Variants in RGPD3 observed in about 807,000 individuals in gnomAD.
RGPD3 encodes ranBP2-like and GRIP domain-containing protein 3.
RGPD3 carries 62 observed loss-of-function variants against 154.5 expected under a neutral mutation model. That is an observed-to-expected ratio of 0.40 (90% confidence interval 0.33 to 0.50). The LOEUF (loss-of-function observed/expected upper bound fraction) is 0.50, where lower values mean the gene tolerates loss of function less well. RGPD3 is among the 20% of genes least tolerant of loss of function. The pLI is 0.59. For missense variants in RGPD3, 919 were observed against 1,716.8 expected (o/e 0.54, Z 8.21); for synonymous variants, 308 against 607.0 (o/e 0.51, Z 7.24).
At chr2:106,437,862 A>G (rs1428063504) in intron 9 of RGPD3, among the ~76,000 whole-genome samples, 2 of 152,292 alleles carry the variant, frequency 1.3e-5, no homozygotes, top group East Asian at 3.9e-4. Flanking sequence ...TCATGAAGGA[A>G]GCAAGATAAA....
chr2:106,466,894 C>T (rs1206235845), intron 1 of RGPD3, among the ~76,000 whole-genome samples: 1 of 103,666 alleles, frequency 9.6e-6, no homozygotes, highest in African/African-American at 3.3e-5. Context: ...CGGGCCGGGT[C>T]GAGGCCGCCG....
chr2:106,470,872 G>A (rs1158020938), upstream of RGPD3: 22 of 1,599,168 alleles, frequency 1.4e-5, 1 homozygote, highest in African/African-American at 2.7e-5. Context: ...GTACTGGGCC[G>A]AGGCATTGTG....
intron 22 of RGPD3, 71 bp from the exon 23 acceptor site, chr2:106,405,300 A>G: frequency 7.2e-7 from 1 of 1,390,908 alleles, no homozygotes; most frequent in Non-Finnish European, 1.0e-6. Context: ...TCTATATTTT[A>G]GAACCACTCT....
intron 21 of RGPD3, among the ~76,000 whole-genome samples, chr2:106,413,887 G>T (rs1362315435): frequency 6.6e-6 from 1 of 152,138 alleles, no homozygotes; most frequent in African/African-American, 2.4e-5. Flanking sequence ...GGAGCCATGG[G>T]TTGGTACCAA....
At chr2:106,410,976 A>G (rs1676652998) in intron 22 of RGPD3, among the ~76,000 whole-genome samples, 1 of 151,304 alleles carries the variant, frequency 6.6e-6, no homozygotes, top group Non-Finnish European at 1.5e-5. Flanking sequence ...AGATTCAAAG[A>G]AACTATCAAT....
Position 106,424,256 on chromosome 2 carries a change from T to A in RGPD3, c.3711A>T (p.Lys1237Asn), listed in dbSNP as rs751855732. The A allele has an allele frequency of 2.5e-6, 4 of 1,611,826 alleles. No homozygotes were observed. In the South Asian group the frequency reaches 4.4e-5, roughly 18 times the overall value. Residue 1237 changes from lysine to asparagine, a missense_variant, in exon 20 of 23, where the codon AAA becomes AAT. Lys to Asn is a moderately conservative substitution (Grantham distance 94). Transcript: ENST00000409886. ...GAAGASDTTI[K>N]PNAENTGPTL... is the part of the protein sequence containing the mutation. ...TGGGCCCAGTGTTTTCAGCATTGGG[T>A]TTTATTGTTGTGTCTGAGGCACCGG... is the stretch of plus-strand genomic sequence containing the variant.
At chr2:106,464,645 A>G (rs1678511804) in intron 1 of RGPD3, among the ~76,000 whole-genome samples, 1 of 151,958 alleles carries the variant, frequency 6.6e-6, no homozygotes, top group South Asian at 2.1e-4. Context: ...AGAATAAGAA[A>G]CCGACTTGAC....
rs1483285410 is a variant in RGPD3 at position 106,423,863 on chromosome 2, A to G, written c.4104T>C (p.Asp1368=). ...FSHRAEFYRY[D]KDVGQWKERG... ...TTTCTTTCCATTGACCAACATCTTTATCATATCTGTAGAATTCTGCCCTGT... is the reference window on the plus strand; with the variant it reads ...TTTCTTTCCATTGACCAACATCTTTGTCATATCTGTAGAATTCTGCCCTGT... Residue 1368 remains aspartate, a synonymous_variant, in exon 20 of 23, where the codon GAT becomes GAC. Coordinates refer to ENST00000409886, the MANE Select transcript of RGPD3 (RefSeq NM_001144013.2). 1 of 1,611,956 alleles carries G rather than the reference A, an allele frequency of 6.2e-7. No individual in the cohort carries two copies. The highest frequency in any genetic ancestry group is 2.2e-5 in the East Asian group (1 of 44,882).
rs899882343 is a variant in RGPD3, at chr2:106,462,592, A to T, written c.73-3260T>A. 2.9e-3 allele frequency among the ~76,000 whole-genome samples: 437 copies of T among 152,270 alleles called. 3 individuals carry two copies. Among genetic ancestry groups the T allele is most frequent in the African/African-American group, 0.01 (419 of 41,534 alleles). On this transcript the variant is annotated intron_variant, in intron 1 of 22. Coordinates refer to ENST00000409886, the MANE Select transcript of RGPD3 (RefSeq NM_001144013.2). ...GTAAGACCCTAAGAGATGCCACATC[A>T]TCGCTATCTTGCACAGTAAGATAGA...
intron 22 of RGPD3, among the ~76,000 whole-genome samples, chr2:106,410,569 G>C (rs1317713419): frequency 6.6e-6 from 1 of 152,144 alleles, no homozygotes; most frequent in African/African-American, 2.4e-5. Context: ...AGTATTTTGA[G>C]ATAATATCAT....
At chr2:106,438,665 C>A (rs1441317127) in intron 9 of RGPD3, among the ~76,000 whole-genome samples, 1 of 152,020 alleles carries the variant, frequency 6.6e-6, no homozygotes, top group Non-Finnish European at 1.5e-5. Context: ...CATTTGTAAT[C>A]CCGCTACTTG....
chr2:106,423,746 G>A lies in RGPD3; in HGVS notation c.4221C>T (p.Ala1407=). 6.2e-7 allele frequency: 1 copy of A among 1,611,650 alleles called. No individual in the cohort carries two copies. The highest frequency in any genetic ancestry group is 1.3e-5 in the African/African-American group (1 of 74,840). ...TCATGTCTGGAGTTATTCTGTGATT[G>A]GCACAAAGTTTTAATACTTGGTCCC... is the stretch of plus-strand genomic sequence containing the variant. The part of the protein sequence containing the change: ...MRRDQVLKLC[A]NHRITPDMSL... Residue 1407 remains alanine (A), a synonymous_variant, in exon 20 of 23, where the codon GCC becomes GCT. Transcript: ENST00000409886.
chr2:106,446,565 A>G (rs369424087), intron 7 of RGPD3, among the ~76,000 whole-genome samples: 41 of 50,634 alleles, frequency 8.1e-4, no homozygotes, highest in African/African-American at 1.7e-3. Flanking sequence ...GCGAGACTCC[A>G]TCTCAAAAAA....
chr2:106,464,727 T>G (rs1365511272), intron 1 of RGPD3, among the ~76,000 whole-genome samples: 7 of 152,034 alleles, frequency 4.6e-5, no homozygotes, highest in African/African-American at 1.2e-4. Context: ...TATTTTTTTC[T>G]TTTTTTCTTT....
At chr2:106,407,618 T>A (rs1156806267) in intron 22 of RGPD3, among the ~76,000 whole-genome samples, 5 of 152,234 alleles carry the variant, frequency 3.3e-5, no homozygotes, top group African/African-American at 1.2e-4. Flanking sequence ...AATATAAGAT[T>A]TTTGACAAAA....
At chr2:106,450,874 T>A (rs1573291384) in intron 6 of RGPD3, among the ~76,000 whole-genome samples, 1 of 32,650 alleles carries the variant, frequency 3.1e-5, no homozygotes, top group Non-Finnish European at 6.4e-5. Context: ...AGAGCAAGAC[T>A]CAGTCTCAAA....
chr2:106,466,052 C>G (rs990510471), intron 1 of RGPD3, among the ~76,000 whole-genome samples: 41 of 151,862 alleles, frequency 2.7e-4, no homozygotes, highest in Admixed American at 1.2e-3. Context: ...TGGGAAGAAA[C>G]CCGCCGATAC....
chr2:106,423,674 T>C lies in RGPD3; in HGVS notation c.4293A>G (p.Ala1431=). 2 of 1,609,184 alleles carry C rather than the reference T, an allele frequency of 1.2e-6. No homozygotes were observed. Among genetic ancestry groups the C allele is most frequent in the Middle Eastern group, 2.3e-4 (1 of 4,428 alleles). Residue 1431 remains alanine (A), a synonymous_variant, in exon 20 of 23, where the codon GCA becomes GCG. Coordinates refer to ENST00000409886, the MANE Select transcript of RGPD3 (RefSeq NM_001144013.2). The part of the protein sequence containing the change: ...KGTERVWVWT[A]CDFADGERKV... ...TTCTTTCTCCATCTGCAAAATCACA[T>C]GCAGTCCACACCCATACTCTTTCTG...
rs183864546 is a variant in RGPD3 at position 106,451,013 on chromosome 2, C to T, written c.782+1192G>A. Among the ~76,000 whole-genome samples, 43 of 148,674 alleles carry T rather than the reference C, an allele frequency of 2.9e-4. No individual in the cohort carries two copies. In the East Asian group the frequency reaches 8.2e-3, roughly 29 times the overall value. On this transcript the variant is annotated intron_variant, in intron 6 of 22. Coordinates refer to ENST00000409886, the MANE Select transcript of RGPD3 (RefSeq NM_001144013.2). Reference sequence around the variant, plus strand: ...CTGAGGCAGGAGAATCGCCTGAACCCGGGAGGCGGAGGTTACAGTGAGTCA... The same window carrying T: ...CTGAGGCAGGAGAATCGCCTGAACCTGGGAGGCGGAGGTTACAGTGAGTCA...
Sources: gnomAD v4.1 joint callset for allele counts (sites outside exome capture counted in the v4.1 genomes callset) on GRCh38, gnomAD v4.1.1 for gene constraint, MANE v1.5 for transcripts, NCBI Gene and HGNC (gene_info 2026-07-23, HGNC 2026-07-21) for gene names.